Variants in SLC9A9 observed in about 807,000 individuals in gnomAD.
SLC9A9 encodes the protein sodium/hydrogen exchanger 9.
SLC9A9 carries 62 observed loss-of-function variants against 77.8 expected under a neutral mutation model. The observed-to-expected ratio is 0.80, with a 90% CI of 0.65 to 0.98. The LOEUF is 0.98. Among genes scored for constraint, SLC9A9 ranks in the 50% least tolerant of loss-of-function variants. The pLI, the probability that SLC9A9 is intolerant of heterozygous loss-of-function variation, is 0.00. For synonymous variants in SLC9A9, 320 were observed against 283.5 expected, an observed-to-expected ratio of 1.13 and a Z score of -1.29; for missense variants, 775 against 774.9, an observed-to-expected ratio of 1.00 and a Z score of 0.00.
At chr3:143,577,979 A>G (rs2037389426) in intron 7 of SLC9A9, among the ~76,000 whole-genome samples, 1 of 152,218 alleles carries the variant, frequency 6.6e-6, no homozygotes, top group Non-Finnish European at 1.5e-5. Flanking sequence ...CAGATTCTCT[A>G]GAAACTCCAT....
intron 12 of SLC9A9, among the ~76,000 whole-genome samples, chr3:143,456,695 G>C (rs2035098816): frequency 6.6e-6 from 1 of 151,848 alleles, no homozygotes; most frequent in Admixed American, 6.6e-5. Context: ...CTCCCGAGTA[G>C]CTGAGATTAC....
At chr3:143,666,263 A>G (rs779069295) in intron 5 of SLC9A9, among the ~76,000 whole-genome samples, 65 of 152,316 alleles carry the variant, frequency 4.3e-4, no homozygotes, top group Non-Finnish European at 5.0e-4. Flanking sequence ...ATGCAGAAAA[A>G]GCCTTTGAAA....
chr3:143,834,236 C>A (rs1431412347), intron 1 of SLC9A9, among the ~76,000 whole-genome samples: 2 of 152,150 alleles, frequency 1.3e-5, no homozygotes, highest in East Asian at 1.9e-4. Flanking sequence ...AGATACGTAA[C>A]CCTCACTGAG....
chr3:143,718,579 G>C (rs1262774098), intron 4 of SLC9A9, among the ~76,000 whole-genome samples: 3 of 152,164 alleles, frequency 2.0e-5, no homozygotes, highest in Non-Finnish European at 4.4e-5. Flanking sequence ...GGAGTGAAAT[G>C]CCTGGGTTCC....
intron 5 of SLC9A9, among the ~76,000 whole-genome samples, chr3:143,676,945 A>G (rs1932906339): frequency 6.6e-6 from 1 of 152,088 alleles, no homozygotes; most frequent in African/African-American, 2.4e-5. Flanking sequence ...TGCACATCTC[A>G]AGCCTGTAAA....
intron 9 of SLC9A9, among the ~76,000 whole-genome samples, chr3:143,523,594 T>G (rs2036355160): frequency 6.6e-6 from 1 of 152,158 alleles, no homozygotes; most frequent in Non-Finnish European, 1.5e-5. Context: ...ACTTGTGAAC[T>G]TGAAGTCCCA....
chr3:143,778,363 A>G (rs1244332378), intron 4 of SLC9A9, among the ~76,000 whole-genome samples: 1 of 152,224 alleles, frequency 6.6e-6, no homozygotes, highest in African/African-American at 2.4e-5. Flanking sequence ...TGCTTCAACT[A>G]TCTAAATAGC....
chr3:143,776,054 G>A (rs1387576047), intron 4 of SLC9A9, among the ~76,000 whole-genome samples: 4 of 152,038 alleles, frequency 2.6e-5, no homozygotes, highest in Admixed American at 6.6e-5. Context: ...AGAAATGTAC[G>A]TGTTCTTATC....
intron 9 of SLC9A9, chr3:143,517,153 A>G (rs1224291291): frequency 6.4e-7 from 1 of 1,552,712 alleles, no homozygotes; most frequent in Non-Finnish European, 8.8e-7. Context: ...CTGACAATTT[A>G]CTGATGAGAT....
chr3:143,780,772 C>T (rs1380766080), intron 4 of SLC9A9, among the ~76,000 whole-genome samples: 1 of 152,090 alleles, frequency 6.6e-6, no homozygotes, highest in Non-Finnish European at 1.5e-5. Context: ...TGGACAGAGT[C>T]CTAGATTCAG....
chr3:143,511,581 C>A (rs74884567), intron 9 of SLC9A9, among the ~76,000 whole-genome samples: 4,315 of 152,302 alleles, frequency 0.028, 63 homozygotes, highest in Non-Finnish European at 0.037. Flanking sequence ...GTTAGGAGTA[C>A]TAAGCCAAGG....
chr3:143,731,682 T>A (rs1340176466), intron 4 of SLC9A9, among the ~76,000 whole-genome samples: 2 of 152,254 alleles, frequency 1.3e-5, no homozygotes, highest in Non-Finnish European at 2.9e-5. Context: ...CTTGCTACAT[T>A]CCTGACCCAG....
intron 9 of SLC9A9, among the ~76,000 whole-genome samples, chr3:143,511,682 TG>T (rs1425565306): frequency 6.6e-6 from 1 of 152,188 alleles, no homozygotes; most frequent in African/African-American, 2.4e-5. Flanking sequence ...CAGGCATAAC[TG>T]GGGGTATGAC....
At chr3:143,483,504 G>T (rs751018866) in intron 11 of SLC9A9, among the ~76,000 whole-genome samples, 1 of 152,184 alleles carries the variant, frequency 6.6e-6, no homozygotes, top group Admixed American at 6.5e-5. Context: ...AGATTTGGAG[G>T]CAGGTCTGCC....
chr3:143,573,833 C>T (rs1029425877), intron 8 of SLC9A9, among the ~76,000 whole-genome samples: 4 of 152,148 alleles, frequency 2.6e-5, no homozygotes, highest in South Asian at 2.1e-4. Flanking sequence ...CTCTTCAACA[C>T]GCCTCCTGTC....
Position 143,574,281 on chromosome 3 carries a change from T to C in SLC9A9, c.895-88A>G. 4.7e-6 allele frequency: 5 copies of C among 1,061,686 alleles called. No individual in the cohort carries two copies. In the East Asian group the frequency reaches 7.8e-5, roughly 17 times the overall value. 65.8% of individuals were successfully genotyped at this position (1,061,686 alleles called of 1,614,324 possible). On this transcript the variant is annotated intron_variant, in intron 7 of 15. Transcript: ENST00000316549. ...AGAATAAAAACTGATCTGGTGATGATAGCTCTAGAGCAAAGTAAAAGAACT... is the reference window on the plus strand; with the variant it reads ...AGAATAAAAACTGATCTGGTGATGACAGCTCTAGAGCAAAGTAAAAGAACT...
intron 13 of SLC9A9, among the ~76,000 whole-genome samples, chr3:143,375,806 A>G (rs2033170328): frequency 6.6e-6 from 1 of 152,316 alleles, no homozygotes; most frequent in Admixed American, 6.5e-5. Flanking sequence ...TTGTGTGGCA[A>G]CAGATAACTG....
chr3:143,269,704 G>A (rs1315573055), intron 14 of SLC9A9, among the ~76,000 whole-genome samples: 1 of 152,204 alleles, frequency 6.6e-6, no homozygotes, highest in Non-Finnish European at 1.5e-5. Flanking sequence ...AAGGAAAGCA[G>A]TGGAATTATT....
At chr3:143,781,176 C>T (rs1007288500) in intron 4 of SLC9A9, among the ~76,000 whole-genome samples, 6 of 152,172 alleles carry the variant, frequency 3.9e-5, no homozygotes, top group African/African-American at 1.4e-4. Flanking sequence ...TTGCATTGCA[C>T]ATTCTATGTG....
Sources: allele counts gnomAD v4.1 joint callset (sites outside exome capture counted in the v4.1 genomes callset), GRCh38; gene constraint gnomAD v4.1.1; transcripts MANE v1.5; gene names NCBI Gene and HGNC (gene_info 2026-07-23, HGNC 2026-07-21).